The following POU1F1 variants were observed in gnomAD, a reference collection of about 807,000 sequenced individuals.
POU1F1 encodes the protein POU class 1 homeobox 1, also known as pituitary-specific positive transcription factor 1.
A neutral mutation model predicts 32.3 loss-of-function variants in POU1F1; 23 were observed. That is an observed-to-expected ratio of 0.71 (90% CI 0.51 to 1.01). The LOEUF (loss-of-function observed/expected upper bound fraction) is 1.01, where lower values mean the gene tolerates loss of function less well. Ranked by LOEUF, POU1F1 falls within the 50% of genes least tolerant of loss-of-function variation. POU1F1 has a pLI of 0.00. For missense variants in POU1F1, 323 were observed against 341.6 expected (o/e 0.95, Z 0.43); for synonymous variants, 120 against 115.6 (o/e 1.04, Z -0.25).
At chr3:87,260,391 G>T (rs1159749257) in intron 5 of POU1F1, among the ~76,000 whole-genome samples, 1 of 152,164 alleles carries the variant, frequency 6.6e-6, no homozygotes, top group Non-Finnish European at 1.5e-5. Flanking sequence ...AGGGCACTGA[G>T]TTCTTGAGAA....
At chr3:87,273,217 T>G (rs1019130535) in intron 2 of POU1F1, 130 bp downstream of exon 2, 2 of 1,032,940 alleles carry the variant, frequency 1.9e-6, no homozygotes, top group African/African-American at 3.2e-5. Flanking sequence ...GAAGTGGTGA[T>G]TTTTAACAGT....
At position 87,259,887 on chromosome 3, in the gene POU1F1, A is replaced by C. The variant is rs773347042; in HGVS notation, c.*7T>G. On this transcript the variant is annotated 3_prime_UTR_variant, in exon 6 of 6. Coordinates refer to ENST00000350375, the MANE Select transcript of POU1F1 (RefSeq NM_000306.4). ...GGAGAAAAAGGCTATTATACAATAG[A>C]AAAATCTTATCTGCACTCAAGATGT... 3.1e-6 allele frequency: 5 copies of C among 1,609,034 alleles called. No individual in the cohort carries two copies. In the African/African-American group the frequency reaches 6.7e-5, roughly 22 times the overall value.
intron 3 of POU1F1, 69 bp downstream of exon 3, chr3:87,264,218 TA>T: frequency 8.3e-7 from 1 of 1,203,782 alleles, no homozygotes; most frequent in Non-Finnish European, 1.2e-6. Context: ...TAGCAATATA[TA>T]AGAGATTTAA....
chr3:87,266,384 T>TA (rs1030712593), intron 2 of POU1F1, among the ~76,000 whole-genome samples: 8 of 147,632 alleles, frequency 5.4e-5, no homozygotes, highest in African/African-American at 2.0e-4. Context: ...TAAATTTATA[T>TA]AAAAATATGT....
Position 87,276,476 on chromosome 3 carries a change from T to C in POU1F1, c.-14A>G, listed in dbSNP as rs1004283422. 15 of 1,612,910 alleles carry C rather than the reference T, an allele frequency of 9.3e-6. No homozygotes were observed. In the South Asian group the frequency reaches 1.5e-4, roughly 17 times the overall value. On this transcript the variant is annotated 5_prime_UTR_variant, in exon 1 of 6. Transcript: ENST00000350375. Reference sequence around the variant, plus strand: ...TTGGCAACTCATTCCCACAAGAGAGTAGAAAAATAAGGAGAACCGCTGCTC... The same window carrying C: ...TTGGCAACTCATTCCCACAAGAGAGCAGAAAAATAAGGAGAACCGCTGCTC...
At chr3:87,263,119 C>A (rs1406611431) in intron 3 of POU1F1, among the ~76,000 whole-genome samples, 2 of 151,930 alleles carry the variant, frequency 1.3e-5, no homozygotes, top group Non-Finnish European at 2.9e-5. Flanking sequence ...TAAAAAAATA[C>A]ACAATTTTAT....
intron 3 of POU1F1, 92 bp from the exon 4 acceptor site, chr3:87,262,327 C>A: frequency 1.5e-6 from 2 of 1,334,988 alleles, no homozygotes; most frequent in Non-Finnish European, 2.1e-6. Flanking sequence ...TCTTTGTCAA[C>A]TATTACACAC....
At chr3:87,271,829 C>G (rs946895987) in intron 2 of POU1F1, among the ~76,000 whole-genome samples, 6 of 152,030 alleles carry the variant, frequency 3.9e-5, no homozygotes, top group Non-Finnish European at 5.9e-5. Context: ...TCAGGATTTA[C>G]AGGTCATTGT....
Position 87,264,417 on chromosome 3 carries a change from C to T in POU1F1, c.310G>A (p.Ala104Thr). Residue 104 changes from alanine (A) to threonine (T), a missense_variant, in exon 3 of 6, where the codon GCT (alanine) becomes ACT (threonine). Coordinates refer to ENST00000350375, the MANE Select transcript of POU1F1 (RefSeq NM_000306.4). Reference sequence around the variant, plus strand: ...CTGAGTTCCTGCTTGAAATCAGCAGCTGTGGGGTCCTCTGCCAGAAGAGGC... The same window carrying T: ...CTGAGTTCCTGCTTGAAATCAGCAGTTGTGGGGTCCTCTGCCAGAAGAGGC... Reference protein sequence around the residue: ...HQPLLAEDPTAADFKQELRRK... With the variant: ...HQPLLAEDPTTADFKQELRRK... The T allele has an allele frequency of 6.2e-7, 1 of 1,613,714 alleles. No individual in the cohort carries two copies. The highest frequency in any genetic ancestry group is 8.5e-7 in the Non-Finnish European group (1 of 1,179,688).
rs185948454 is a variant in POU1F1 at position 87,275,823 on chromosome 3, T to C, written c.142+498A>G. 8.5e-4 allele frequency among the ~76,000 whole-genome samples: 129 copies of C among 152,098 alleles called. 1 individual carries two copies. The East Asian group carries it at 0.022, about 26-fold the overall frequency. On this transcript the variant is annotated intron_variant, in intron 1 of 5. Coordinates refer to ENST00000350375, the MANE Select transcript of POU1F1 (RefSeq NM_000306.4). ...TATGCTAAAATATGTTAATTAAAAC[T>C]CTATTTTATTCTATGAAATCCATTG...
intron 5 of POU1F1, 148 bp downstream of exon 5, chr3:87,261,125 G>T: frequency 3.4e-6 from 2 of 593,250 alleles, no homozygotes; most frequent in South Asian, 1.9e-5. Context: ...TGGCCAGACT[G>T]GTCTCGAGCT....
chr3:87,272,525 C>T (rs1051737153), intron 2 of POU1F1, among the ~76,000 whole-genome samples: 4 of 152,102 alleles, frequency 2.6e-5, no homozygotes, highest in East Asian at 1.9e-4. Flanking sequence ...TCTTATGTGG[C>T]CATGCCATGA....
chr3:87,259,966 T>A lies in POU1F1; in HGVS notation c.804A>T (p.Arg268Ser), dbSNP rs746045997. The A allele has an allele frequency of 6.2e-7, 1 of 1,614,194 alleles. No individual in the cohort carries two copies. The highest frequency in any genetic ancestry group is 8.5e-7 in the Non-Finnish European group (1 of 1,180,028). ...VRVWFCNRRQ[R>S]EKRVKTSLNQ... ...TCAGACTTGTTTTCACCCGTTTTTC[T>A]CTCTGCCTCCGGTTGCAAAACCAAA... The change falls in exon 6 of 6, where the codon AGA becomes AGT. Residue 268 changes from arginine to serine, a missense_variant. Coordinates refer to ENST00000350375, the MANE Select transcript of POU1F1 (RefSeq NM_000306.4).
intron 1 of POU1F1, among the ~76,000 whole-genome samples, 162 bp downstream of exon 1, chr3:87,276,159 T>G (rs189947269): frequency 3.9e-4 from 60 of 152,266 alleles, no homozygotes; most frequent in Non-Finnish European, 2.4e-4. Context: ...TTATTTGGCA[T>G]GTTGGCTTTT....
At chr3:87,271,724 C>T (rs988601920) in intron 2 of POU1F1, among the ~76,000 whole-genome samples, 3 of 152,056 alleles carry the variant, frequency 2.0e-5, no homozygotes, top group South Asian at 2.1e-4. Context: ...TTCTCATTAA[C>T]CATGAATACT....
In POU1F1 at chr3:87,259,507, G is replaced by A. The variant is rs369057805; in HGVS notation, c.*387C>T. 16 of 178,878 alleles carry A rather than the reference G, an allele frequency of 8.9e-5. No individual in the cohort carries two copies. In the South Asian group the frequency reaches 1.1e-3, roughly 13 times the overall value. The allele number at this position is 178,878 out of a possible 1,614,324, so 11.1% of individuals were successfully genotyped here. A position where few individuals can be genotyped will look rare whatever the true frequency, so the allele number is the denominator to read the frequency against. On this transcript the variant is annotated 3_prime_UTR_variant, in exon 6 of 6. Transcript: ENST00000350375. ...GTTAATTTTTGAATTGGATATTTCTGGTGATGTGCTTTACATATGTGTCAT... is the reference window on the plus strand; with the variant it reads ...GTTAATTTTTGAATTGGATATTTCTAGTGATGTGCTTTACATATGTGTCAT...
At chr3:87,261,180 ATATGT>A (rs1342975956) in intron 5 of POU1F1, 88 bp downstream of exon 5, 1 of 963,786 alleles carries the variant, frequency 1.0e-6, no homozygotes, top group Non-Finnish European at 1.6e-6. Flanking sequence ...CCTTACATTT[ATATGT>A]TATGTTACAC....
intron 2 of POU1F1, among the ~76,000 whole-genome samples, chr3:87,267,055 A>C (rs1706633228): frequency 6.6e-6 from 1 of 152,150 alleles, no homozygotes; most frequent in African/African-American, 2.4e-5. Context: ...CATTTAACCT[A>C]TGTCAAATTA....
At chr3:87,267,653 A>T (rs533761842) in intron 2 of POU1F1, among the ~76,000 whole-genome samples, 1 of 147,038 alleles carries the variant, frequency 6.8e-6, no homozygotes, top group South Asian at 2.4e-4. Context: ...TGTCTCCTAG[A>T]CTGGAGTGCA....
Sources: gnomAD v4.1 joint callset for allele counts (sites outside exome capture counted in the v4.1 genomes callset) on GRCh38, gnomAD v4.1.1 for gene constraint, MANE v1.5 for transcripts, NCBI Gene and HGNC (gene_info 2026-07-23, HGNC 2026-07-21) for gene names.